The following ABR variants were observed in gnomAD, a reference collection of about 807,000 sequenced individuals.
ABR encodes active breakpoint cluster region-related protein.
ABR carries 35 observed loss-of-function variants against 107.2 expected under a neutral mutation model. The observed-to-expected ratio is 0.33, with a 90% CI of 0.25 to 0.43. The LOEUF (loss-of-function observed/expected upper bound fraction) is 0.43. Ranked by LOEUF, ABR falls within the 20% of genes least tolerant of loss-of-function variation. ABR has a pLI of 1.00. For missense variants in ABR, 815 were observed against 1,115.2 expected (o/e 0.73, Z 3.83); for synonymous variants, 498 against 462.0 (o/e 1.08, Z -1.00).
Position 1,056,065 on chromosome 17 carries a change from G to A in ABR, c.1531C>T (p.His511Tyr), listed in dbSNP as rs2033233979. The A allele has an allele frequency of 1.2e-6, 2 of 1,614,042 alleles. No individual in the cohort carries two copies. Among genetic ancestry groups the A allele is most frequent in the East Asian group, 2.2e-5 (1 of 44,890 alleles). The change falls in exon 14 of 23, where the codon CAC (histidine) becomes TAC (tyrosine). Residue 511 changes from histidine to tyrosine, a missense_variant. This residue lies in a region of ABR where 385 missense variants were observed against 596.9 expected (regional missense o/e 0.64). Coordinates refer to ENST00000302538, the MANE Select transcript of ABR (RefSeq NM_021962.5). ...GLYGFLHVIV[H>Y]SAKGFKQSAN... Reference sequence around the variant, plus strand: ...GATTGCTTAAATCCCTTGGCAGAGTGGACGATGACATGAAGGAAGCCATAG... The same window carrying A: ...GATTGCTTAAATCCCTTGGCAGAGTAGACGATGACATGAAGGAAGCCATAG...
rs978314955 is a variant in ABR at position 1,006,125 on chromosome 17, G to C, written c.2535C>G (p.Phe845Leu). The C allele has an allele frequency of 3.1e-6, 5 of 1,588,490 alleles. No individual in the cohort carries two copies. The highest frequency in any genetic ancestry group is 4.3e-6 in the Non-Finnish European group (5 of 1,167,262). ...ACAGTGTGTTCCGCTTGAGTTCTGC[G>C]AAGGAAATGGGGGGGTGCTGCAGGT... The part of the protein sequence containing the change: ...LYYLQHPPIS[F>L]AELKRNTLYF... Residue 845 changes from phenylalanine to leucine, a missense_variant, in exon 23 of 23, where the codon TTC (phenylalanine) becomes TTG (leucine). Phe to Leu is a conservative substitution (Grantham distance 22). Around this residue, in one of 5 missense-constraint regions of ABR, gnomAD observed 34 missense variants for 26.8 expected, o/e 1.27. Coordinates refer to ENST00000302538, the MANE Select transcript of ABR (RefSeq NM_021962.5).
chr17:1,104,876 G>A (rs981903754), intron 2 of ABR, among the ~76,000 whole-genome samples: 1 of 152,202 alleles, frequency 6.6e-6, no homozygotes, highest in Admixed American at 6.5e-5. Context: ...TGAGGTCTTA[G>A]GCAGGCACCA....
chr17:1,066,575 C>A (rs1471843892), intron 10 of ABR, among the ~76,000 whole-genome samples: 2 of 151,862 alleles, frequency 1.3e-5, no homozygotes, highest in Admixed American at 6.6e-5. Flanking sequence ...ATTGCCTAGA[C>A]TGGAGTGCAT....
At chr17:1,040,466 G>A (rs930062167) in intron 16 of ABR, among the ~76,000 whole-genome samples, 3 of 152,252 alleles carry the variant, frequency 2.0e-5, no homozygotes, top group Non-Finnish European at 4.4e-5. Context: ...CGGGCCAGCC[G>A]GCATTGAGGG....
intron 2 of ABR, among the ~76,000 whole-genome samples, chr17:1,103,607 T>C (rs745720199): frequency 3.3e-5 from 5 of 152,106 alleles, no homozygotes; most frequent in Non-Finnish European, 5.9e-5. Flanking sequence ...TAATCGCCCA[T>C]TTCTGCAAGA....
At chr17:1,166,416 C>T (rs1307091238) in intron 1 of ABR, among the ~76,000 whole-genome samples, 1 of 152,134 alleles carries the variant, frequency 6.6e-6, no homozygotes, top group Non-Finnish European at 1.5e-5. Context: ...AGGAACAGCA[C>T]GTGCAAAAGG....
intron 2 of ABR, chr17:1,108,904 C>T (rs748100737): frequency 9.0e-6 from 14 of 1,564,008 alleles, no homozygotes; most frequent in South Asian, 2.3e-5. Context: ...CCCGGCCCCC[C>T]CCAGCGCCCA....
chr17:1,089,134 G>A (rs144118329), intron 4 of ABR, among the ~76,000 whole-genome samples: 4,735 of 152,092 alleles, frequency 0.031, 239 homozygotes, highest in African/African-American at 0.11. Context: ...CTGACCTCAC[G>A]ATCCACCCAC....
chr17:1,148,483 C>G lies in ABR; in HGVS notation c.62-23116G>C, dbSNP rs551051513. ...TCAATACAGGGGTCCCCAGCCCCCC[C>G]GGGCATGGACCGGCACCAGTCCGTG... On this transcript the variant is annotated intron_variant, in intron 1 of 22. Coordinates refer to ENST00000302538, the MANE Select transcript of ABR (RefSeq NM_021962.5). The surrounding 1 kb of genome is among the most constrained non-coding windows in gnomAD (Gnocchi z 4.9). 1.8e-4 allele frequency among the ~76,000 whole-genome samples: 27 copies of G among 152,270 alleles called. No homozygotes were observed. Among genetic ancestry groups the G allele is most frequent in the Middle Eastern group, 3.4e-3 (1 of 294 alleles).
intron 21 of ABR, among the ~76,000 whole-genome samples, chr17:1,008,877 T>C (rs762829889): frequency 6.6e-6 from 1 of 152,206 alleles, no homozygotes; most frequent in African/African-American, 2.4e-5. Context: ...TTAGCCACTC[T>C]TGGTTGGACC....
intron 1 of ABR, among the ~76,000 whole-genome samples, chr17:1,135,820 G>A (rs1488758449): frequency 6.6e-6 from 1 of 152,164 alleles, no homozygotes; most frequent in African/African-American, 2.4e-5. Flanking sequence ...AGGTTGCAGT[G>A]AGGCAAGATT....
At position 1,011,008 on chromosome 17, in the gene ABR, G is replaced by A; in HGVS notation, c.2102-145C>T. 3.7e-6 allele frequency: 4 copies of A among 1,094,728 alleles called. No individual in the cohort carries two copies. The highest frequency in any genetic ancestry group is 2.2e-5 in the Admixed American group (1 of 45,970). The allele number at this position is 1,094,728 out of a possible 1,614,324, so 67.8% of individuals were successfully genotyped here. A position where few individuals can be genotyped will look rare whatever the true frequency, so the allele number is the denominator to read the frequency against. On this transcript the variant is annotated intron_variant, in intron 19 of 22. Transcript: ENST00000302538. This position sits in a 1 kb window ranked among gnomAD's most constrained non-coding sequence, Gnocchi z 4.8. ...AGCAGGATGTAGAGAGGGCCCACAG[G>A]TGTCTGTGACTCGGCTCTGTGGGTC...
At chr17:1,034,251 C>T (rs529706344) in intron 16 of ABR, among the ~76,000 whole-genome samples, 167 of 152,204 alleles carry the variant, frequency 1.1e-3, no homozygotes, top group African/African-American at 3.7e-3. Context: ...CTGCACCTGG[C>T]CCCACTCATG....
rs974346486 is a variant in ABR, at chr17:1,157,103, C to A, written c.61+22564G>T. 6.6e-6 allele frequency among the ~76,000 whole-genome samples: 1 copy of A among 152,170 alleles called. No homozygotes were observed. The highest frequency in any genetic ancestry group is 1.5e-5 in the Non-Finnish European group (1 of 68,044). On this transcript the variant is annotated intron_variant, in intron 1 of 22. Coordinates refer to ENST00000302538, the MANE Select transcript of ABR (RefSeq NM_021962.5). The surrounding 1 kb of genome is among the most constrained non-coding windows in gnomAD (Gnocchi z 4.7). ...AGGCACTAATATTATCTCAATTTTACGGATGAGGAAACCGAAGCTCAGATA... is the reference window on the plus strand; with the variant it reads ...AGGCACTAATATTATCTCAATTTTAAGGATGAGGAAACCGAAGCTCAGATA...
At position 1,071,055 on chromosome 17, in the gene ABR, T is replaced by C. The variant is rs147852394; in HGVS notation, c.895-965A>G. Among the ~76,000 whole-genome samples the C allele has an allele frequency of 5.5e-3, 832 of 151,940 alleles. 12 individuals carry two copies. Among genetic ancestry groups the C allele is most frequent in the African/African-American group, 0.019 (793 of 41,444 alleles). ...ACGCCTGCCTGTAATCTCAGCTACT[T>C]GGGAGGATGAGGCAGGAGAATTGCT... On this transcript the variant is annotated intron_variant, in intron 8 of 22. Coordinates refer to ENST00000302538, the MANE Select transcript of ABR (RefSeq NM_021962.5). This position sits in a 1 kb window ranked among gnomAD's most constrained non-coding sequence, Gnocchi z 5.1.
At chr17:1,036,984 T>TTTCCTTCCTTCCATCC (rs1223361155) in intron 16 of ABR, among the ~76,000 whole-genome samples, 23 of 151,956 alleles carry the variant, frequency 1.5e-4, no homozygotes, top group Admixed American at 9.8e-4. Context: ...TGTTTCTTTC[T>TTTCCTTCCTTCCATCC]TTCCTTCCTT....
intron 3 of ABR, among the ~76,000 whole-genome samples, chr17:1,096,282 C>T (rs779176476): frequency 6.6e-6 from 1 of 151,964 alleles, no homozygotes; most frequent in Non-Finnish European, 1.5e-5. Context: ...ACACACCCAG[C>T]CCTTTGCATA....
At chr17:1,056,387 G>T (rs902641692) in intron 13 of ABR, among the ~76,000 whole-genome samples, 1 of 152,098 alleles carries the variant, frequency 6.6e-6, no homozygotes, top group Non-Finnish European at 1.5e-5. Context: ...TTCCCCATGG[G>T]TACTGTCTCT....
chr17:1,095,879 T>C (rs1037537290), intron 3 of ABR, among the ~76,000 whole-genome samples: 3 of 152,228 alleles, frequency 2.0e-5, no homozygotes, highest in African/African-American at 7.2e-5. Context: ...CACTCGTCAC[T>C]GGAGCCCAGG....
Sources: gnomAD v4.1 joint callset for allele counts (sites outside exome capture counted in the v4.1 genomes callset) on GRCh38, gnomAD v4.1.1 for gene constraint, gnomAD v4.1.1 regional missense constraint, Gnocchi (gnomAD v3.1) non-coding constraint, MANE v1.5 for transcripts, NCBI Gene and HGNC (gene_info 2026-07-23, HGNC 2026-07-21) for gene names.